Variants in TTLL9 observed in about 807,000 individuals in gnomAD.
TTLL9 encodes probable tubulin polyglutamylase TTLL9.
A neutral mutation model predicts 65.6 loss-of-function variants in TTLL9; 47 were observed. The observed-to-expected ratio is 0.72, with a 90% CI of 0.57 to 0.91. The LOEUF (loss-of-function observed/expected upper bound fraction) is 0.91. Among genes scored for constraint, TTLL9 ranks in the 40% least tolerant of loss-of-function variants. The probability of loss-of-function intolerance (pLI) is 0.00; values close to 1 mark genes in which losing one functional copy is unlikely to be tolerated. For synonymous variants in TTLL9, 179 were observed against 204.8 expected (o/e 0.87, Z 1.07); for missense variants, 537 against 568.8 (o/e 0.94, Z 0.57).
In TTLL9 at chr20:31,943,224, G is replaced by A; in HGVS notation, c.*203G>A. 1.7e-6 allele frequency: 1 copy of A among 604,706 alleles called. No homozygotes were observed. The highest frequency in any genetic ancestry group is 2.8e-5 in the Admixed American group (1 of 36,140). 37.5% of individuals were successfully genotyped at this position (604,706 alleles called of 1,614,324 possible). On this transcript the variant is annotated 3_prime_UTR_variant, in exon 15 of 15. Transcript: ENST00000535842. Reference sequence around the variant, plus strand: ...CCCATCCCCAGGCATCTTTGCACCAGGAGACAGCCAATCACTGGGACTGGG... The same window carrying A: ...CCCATCCCCAGGCATCTTTGCACCAAGAGACAGCCAATCACTGGGACTGGG...
Position 31,880,950 on chromosome 20 carries a change from C to T in TTLL9, c.70-6246C>T, listed in dbSNP as rs1373810390. On this transcript the variant is annotated intron_variant, in intron 2 of 14. Transcript: ENST00000535842. ...GCTCAGTCGACTTCCTGGACTCAAG[C>T]GATTTTCCTCCCTCTGCTTCCCAAG... 2.7e-5 allele frequency among the ~76,000 whole-genome samples: 4 copies of T among 146,918 alleles called. No individual in the cohort carries two copies. In the South Asian group the frequency reaches 6.4e-4, roughly 23 times the overall value.
chr20:31,911,985 G>T (rs1388887559), intron 6 of TTLL9, among the ~76,000 whole-genome samples: 1 of 152,060 alleles, frequency 6.6e-6, no homozygotes, highest in East Asian at 1.9e-4. Context: ...CTTACAAGCT[G>T]TATGTCCCTG....
At chr20:31,931,046 A>G (rs1047952668) in intron 10 of TTLL9, among the ~76,000 whole-genome samples, 1 of 148,804 alleles carries the variant, frequency 6.7e-6, no homozygotes, top group South Asian at 2.1e-4. Context: ...CTCTTCAGCC[A>G]GTAACTTACT....
In TTLL9 at chr20:31,890,094, TTC is replaced by T. The variant is rs1568752977; in HGVS notation, c.113+2856_113+2857del. On this transcript the variant is annotated intron_variant, in intron 3 of 14. Coordinates refer to ENST00000535842, the MANE Select transcript of TTLL9 (RefSeq NM_001008409.5). ...TTGCTTTCTTGCTTTCTTGCTTTCT[TTC>T]CCTCCCTTCCTTCCTTCCTTCCTTC... 5.4e-3 allele frequency among the ~76,000 whole-genome samples: 566 copies of T among 104,244 alleles called. 24 individuals carry two copies. Among genetic ancestry groups the T allele is most frequent in the African/African-American group, 0.023 (507 of 21,790 alleles). The allele number at this position is 104,244 out of a possible 152,430, so 68.4% of individuals were successfully genotyped here. A position where few individuals can be genotyped will look rare whatever the true frequency, so the allele number is the denominator to read the frequency against.
chr20:31,883,922 A>G (rs1165668488), intron 2 of TTLL9: 1 of 418,246 alleles, frequency 2.4e-6, no homozygotes, highest in Admixed American at 4.4e-5. Flanking sequence ...TCAACTTTGT[A>G]CAAACCAGAG....
At chr20:31,924,403 C>A (rs1458198991) in intron 8 of TTLL9, among the ~76,000 whole-genome samples, 1 of 152,150 alleles carries the variant, frequency 6.6e-6, no homozygotes, top group Non-Finnish European at 1.5e-5. Context: ...CCAGACTGTT[C>A]TCGCAGTTCC....
At chr20:31,931,335 T>C (rs908091629) in intron 10 of TTLL9, among the ~76,000 whole-genome samples, 2 of 152,118 alleles carry the variant, frequency 1.3e-5, no homozygotes, top group African/African-American at 4.8e-5. Context: ...TGCCTTGCCC[T>C]TCCAAAGTGC....
At chr20:31,935,011 C>G in intron 12 of TTLL9, 123 bp downstream of exon 12, 1 of 950,880 alleles carries the variant, frequency 1.1e-6, no homozygotes, top group Non-Finnish European at 1.6e-6. Flanking sequence ...CTTACATTTA[C>G]TGTGCCTCAA....
chr20:31,883,517 G>C (rs1214625492), intron 2 of TTLL9, among the ~76,000 whole-genome samples: 3 of 152,032 alleles, frequency 2.0e-5, no homozygotes, highest in Non-Finnish European at 4.4e-5. Flanking sequence ...TCTTAGATGA[G>C]TCCTCAGGCT....
intron 3 of TTLL9, among the ~76,000 whole-genome samples, chr20:31,894,726 C>T (rs1049046000): frequency 4.7e-5 from 7 of 148,672 alleles, no homozygotes; most frequent in African/African-American, 1.8e-4. Context: ...TATATACACA[C>T]ACACACACAC....
At chr20:31,942,080 G>A (rs1302742159) in intron 14 of TTLL9, among the ~76,000 whole-genome samples, 2 of 152,200 alleles carry the variant, frequency 1.3e-5, no homozygotes, top group Non-Finnish European at 1.5e-5. Context: ...GATGTGCATC[G>A]TAGGCTCTCA....
At chr20:31,928,491 C>A (rs1168368835) in intron 10 of TTLL9, among the ~76,000 whole-genome samples, 1 of 150,840 alleles carries the variant, frequency 6.6e-6, no homozygotes, top group Non-Finnish European at 1.5e-5. Flanking sequence ...TTTAACCTGA[C>A]TTCATTATAT....
At chr20:31,912,118 A>G (rs544534416) in intron 6 of TTLL9, among the ~76,000 whole-genome samples, 1 of 152,292 alleles carries the variant, frequency 6.6e-6, no homozygotes, top group Admixed American at 6.5e-5. Flanking sequence ...CACGTTCGAC[A>G]CATGAATTTA....
intron 6 of TTLL9, among the ~76,000 whole-genome samples, chr20:31,919,355 G>C (rs1246117354): frequency 1.3e-5 from 2 of 152,180 alleles, no homozygotes; most frequent in East Asian, 3.9e-4. Context: ...AGGCCAGGCA[G>C]GAGGACTGTT....
intron 2 of TTLL9, among the ~76,000 whole-genome samples, chr20:31,882,168 G>C (rs894772973): frequency 6.6e-6 from 1 of 152,134 alleles, no homozygotes; most frequent in East Asian, 1.9e-4. Context: ...AGAATACCGC[G>C]TGTTCCAACC....
intron 11 of TTLL9, chr20:31,934,186 CTG>C (rs1437270119): frequency 2.0e-6 from 1 of 496,304 alleles, no homozygotes; most frequent in African/African-American, 1.9e-5. Flanking sequence ...TTTTATCTCT[CTG>C]TCTATGTAAA....
intron 2 of TTLL9, among the ~76,000 whole-genome samples, chr20:31,882,762 G>A (rs967938717): frequency 6.6e-6 from 1 of 152,096 alleles, no homozygotes; most frequent in Non-Finnish European, 1.5e-5. Context: ...TGACAGATGA[G>A]ATTTCTTGAA....
intron 3 of TTLL9, among the ~76,000 whole-genome samples, chr20:31,890,775 C>T (rs924965049): frequency 6.6e-6 from 1 of 152,206 alleles, no homozygotes; most frequent in Non-Finnish European, 1.5e-5. Context: ...CCACCAACTC[C>T]AGTCGTCACT....
At chr20:31,886,706 C>G (rs1001167032) in intron 2 of TTLL9, among the ~76,000 whole-genome samples, 2 of 152,122 alleles carry the variant, frequency 1.3e-5, no homozygotes, top group African/African-American at 4.8e-5. Flanking sequence ...GTAATTCCAG[C>G]TACTAGGGAG....
Sources: gnomAD v4.1 joint callset for allele counts (sites outside exome capture counted in the v4.1 genomes callset) on GRCh38, gnomAD v4.1.1 for gene constraint, MANE v1.5 for transcripts, NCBI Gene and HGNC (gene_info 2026-07-23, HGNC 2026-07-21) for gene names.